PDE10A: variants seen among roughly 807,000 people sequenced by gnomAD.
The protein encoded by PDE10A is phosphodiesterase 10A, also known as cAMP and cAMP-inhibited cGMP 3',5'-cyclic phosphodiesterase 10A.
A neutral mutation model predicts 97.7 loss-of-function variants in PDE10A; 39 were observed. That is an observed-to-expected ratio of 0.40 (90% CI 0.31 to 0.52). The LOEUF is 0.52. Among genes scored for constraint, PDE10A ranks in the 20% least tolerant of loss-of-function variants. PDE10A has a pLI of 0.56. For synonymous variants in PDE10A, 371 were observed against 376.8 expected (o/e 0.98, Z 0.18); for missense variants, 731 against 1,047.8 (o/e 0.70, Z 4.17).
chr6:165,480,087 T>A (rs1246846863), intron 3 of PDE10A, among the ~76,000 whole-genome samples: 1 of 152,216 alleles, frequency 6.6e-6, no homozygotes, highest in Non-Finnish European at 1.5e-5. Context: ...ATTAATAATA[T>A]ATAGTTTGTC....
intron 1 of PDE10A, among the ~76,000 whole-genome samples, chr6:165,860,847 A>G (rs1219921994): frequency 6.6e-6 from 1 of 152,200 alleles, no homozygotes; most frequent in Non-Finnish European, 1.5e-5. Flanking sequence ...ATGCACACAG[A>G]GGACCTGAAG....
At chr6:165,979,519 G>A (rs1331435380) in intron 1 of PDE10A, among the ~76,000 whole-genome samples, 1 of 152,138 alleles carries the variant, frequency 6.6e-6, no homozygotes, top group Non-Finnish European at 1.5e-5. Context: ...TTTACAAGTA[G>A]AAATATTATA....
chr6:165,345,957 C>T (rs1782279094), intron 18 of PDE10A, among the ~76,000 whole-genome samples: 1 of 152,020 alleles, frequency 6.6e-6, no homozygotes, highest in Non-Finnish European at 1.5e-5. Context: ...CACGTGAAGT[C>T]CTAATGTGGA....
chr6:165,852,980 C>T (rs1005067485), intron 1 of PDE10A, among the ~76,000 whole-genome samples: 5 of 152,246 alleles, frequency 3.3e-5, no homozygotes, highest in African/African-American at 4.8e-5. Flanking sequence ...TGCTAGTGGA[C>T]GCCCGATGAT....
chr6:165,768,559 A>G (rs147436221), intron 1 of PDE10A, among the ~76,000 whole-genome samples: 2 of 152,306 alleles, frequency 1.3e-5, no homozygotes, highest in Admixed American at 1.3e-4. Flanking sequence ...TATTTTTAAT[A>G]ACGTTTGAAC....
At chr6:165,798,931 C>G (rs1171745196) in intron 1 of PDE10A, among the ~76,000 whole-genome samples, 1 of 152,190 alleles carries the variant, frequency 6.6e-6, no homozygotes, top group Non-Finnish European at 1.5e-5. Context: ...TGGTCTGGAA[C>G]TCCTGACCTC....
At chr6:165,897,353 C>T (rs931531206) in intron 1 of PDE10A, among the ~76,000 whole-genome samples, 20 of 151,796 alleles carry the variant, frequency 1.3e-4, no homozygotes, top group East Asian at 3.9e-4. Context: ...GGATGCCATA[C>T]AGGGAAAAAG....
At chr6:165,622,295 T>C (rs947474514) in intron 1 of PDE10A, among the ~76,000 whole-genome samples, 1 of 143,276 alleles carries the variant, frequency 7.0e-6, no homozygotes, top group African/African-American at 2.6e-5. Flanking sequence ...TGTGTGTGTG[T>C]ATGTGCATGC....
At chr6:165,834,472 G>T (rs1780016534) in intron 1 of PDE10A, among the ~76,000 whole-genome samples, 1 of 152,226 alleles carries the variant, frequency 6.6e-6, no homozygotes, top group South Asian at 2.1e-4. Flanking sequence ...GGAGTGGGGG[G>T]AGTGAGACGA....
chr6:165,698,517 A>T (rs1791494224), intron 1 of PDE10A, among the ~76,000 whole-genome samples: 2 of 152,186 alleles, frequency 1.3e-5, no homozygotes, highest in Admixed American at 1.3e-4. Context: ...AGAGCGAAAA[A>T]ATAATTAATG....
chr6:165,858,782 T>A (rs1370536830), intron 1 of PDE10A, among the ~76,000 whole-genome samples: 1 of 152,192 alleles, frequency 6.6e-6, no homozygotes, highest in African/African-American at 2.4e-5. Context: ...GCCATTTAAA[T>A]CCATGTTTCC....
intron 1 of PDE10A, among the ~76,000 whole-genome samples, chr6:165,670,575 G>C (rs1300009717): frequency 6.6e-6 from 1 of 152,154 alleles, no homozygotes; most frequent in Non-Finnish European, 1.5e-5. Context: ...CTAAAACCAA[G>C]CTAAAAATTA....
In PDE10A at chr6:165,735,563, T is replaced by C. The variant is rs905911412; in HGVS notation, c.-614-191995A>G. 5.3e-5 allele frequency among the ~76,000 whole-genome samples: 8 copies of C among 152,256 alleles called. No individual in the cohort carries two copies. In the East Asian group the frequency reaches 1.5e-3, roughly 29 times the overall value. On this transcript the variant is annotated intron_variant, in intron 1 of 19. Transcript: ENST00000366882. The stretch of plus-strand genomic sequence containing the variant: ...GCAAGTTCAAGATCTATAGAAATGA[T>C]GTCCCTGTTTGAGTCTGAGGGCTGG...
At chr6:165,821,283 T>C (rs1054044126) in intron 1 of PDE10A, among the ~76,000 whole-genome samples, 2 of 152,132 alleles carry the variant, frequency 1.3e-5, no homozygotes, top group African/African-American at 4.8e-5. Flanking sequence ...CACACTCCAC[T>C]TCACTCAATG....
At chr6:165,983,863 C>T (rs1785095536) in intron 1 of PDE10A, among the ~76,000 whole-genome samples, 3 of 152,250 alleles carry the variant, frequency 2.0e-5, no homozygotes, top group Admixed American at 2.0e-4. Flanking sequence ...TCATGAACAG[C>T]TGTCACTCAA....
chr6:165,339,952 A>G (rs1032229039), intron 19 of PDE10A, among the ~76,000 whole-genome samples: 7 of 151,460 alleles, frequency 4.6e-5, no homozygotes, highest in Non-Finnish European at 1.5e-5. Context: ...GTTACTAAAG[A>G]TTCACTTACA....
intron 10 of PDE10A, among the ~76,000 whole-genome samples, chr6:165,426,821 T>C (rs1366574712): frequency 2.0e-5 from 3 of 152,204 alleles, no homozygotes; most frequent in East Asian, 1.9e-4. Context: ...TGGCTCTGAA[T>C]AGACATCTCC....
intron 3 of PDE10A, among the ~76,000 whole-genome samples, chr6:165,453,399 G>T (rs192778848): frequency 6.6e-6 from 1 of 152,290 alleles, no homozygotes; most frequent in East Asian, 1.9e-4. Context: ...AAAGTAGCAG[G>T]GTGCTATTCA....
chr6:165,389,126 G>A (rs984867004), intron 16 of PDE10A, among the ~76,000 whole-genome samples: 3 of 152,130 alleles, frequency 2.0e-5, no homozygotes, highest in Admixed American at 1.3e-4. Context: ...CCTGAGACTC[G>A]GAGGATCAGG....
Sources: allele counts gnomAD v4.1 joint callset (sites outside exome capture counted in the v4.1 genomes callset), GRCh38; gene constraint gnomAD v4.1.1; transcripts MANE v1.5; gene names NCBI Gene and HGNC (gene_info 2026-07-23, HGNC 2026-07-21).